Variants in CCDC3 observed in about 807,000 individuals in gnomAD.
CCDC3 encodes the protein coiled-coil domain containing 3.
CCDC3 carries 24 observed loss-of-function variants against 21.4 expected under a neutral mutation model. The ratio of observed to expected loss-of-function variants is 1.12; its 90% CI spans 0.81 to 1.58. The LOEUF is 1.58. Ranked by LOEUF, CCDC3 falls within the 40% of genes most tolerant of loss-of-function variation. The pLI, the probability that CCDC3 is intolerant of heterozygous loss-of-function variation, is 0.00. For missense variants in CCDC3, 425 were observed against 360.9 expected, an observed-to-expected ratio of 1.18 and a Z score of -1.44; for synonymous variants, 186 against 166.0, an observed-to-expected ratio of 1.12 and a Z score of -0.93.
chr10:12,961,392 T>C (rs920590394), intron 2 of CCDC3, among the ~76,000 whole-genome samples: 2 of 152,090 alleles, frequency 1.3e-5, no homozygotes, highest in Non-Finnish European at 2.9e-5. Context: ...AAGACCAACA[T>C]CTCCTTTAAA....
chr10:13,088,433 G>A (rs749952122), intron 3 of CCDC3, among the ~76,000 whole-genome samples: 6 of 152,142 alleles, frequency 3.9e-5, no homozygotes, highest in South Asian at 2.1e-4. Context: ...AAATGACATC[G>A]CCCCAAATCC....
At position 13,096,461 on chromosome 10, in the gene CCDC3, C is replaced by T. The variant is rs1415543874; in HGVS notation, c.-503+2064G>A. Among the ~76,000 whole-genome samples, 14 of 152,202 alleles carry T rather than the reference C, an allele frequency of 9.2e-5. 1 individual carries two copies. In the South Asian group the frequency reaches 2.9e-3, roughly 32 times the overall value. On this transcript the variant is annotated intron_variant, in intron 3 of 6. Coordinates refer to the CCDC3 transcript ENST00000378839. Reference sequence around the variant, plus strand: ...TGCTGGGATTACAGGCGTGAGCCACCGCCCTGGGCCTCTTTACTTTCTTTA... The same window carrying T: ...TGCTGGGATTACAGGCGTGAGCCACTGCCCTGGGCCTCTTTACTTTCTTTA...
chr10:13,093,935 C>T (rs1385258310), intron 3 of CCDC3, among the ~76,000 whole-genome samples: 5 of 152,112 alleles, frequency 3.3e-5, no homozygotes, highest in African/African-American at 7.2e-5. Context: ...CAGACAATGA[C>T]GAGGAACTGT....
At chr10:12,991,776 T>C (rs79786960) in intron 2 of CCDC3, among the ~76,000 whole-genome samples, 8,708 of 152,234 alleles carry the variant, frequency 0.057, 410 homozygotes, top group East Asian at 0.18. Context: ...CTCCAAAACC[T>C]TACCTACCTG....
At chr10:12,902,550 G>A (rs1417293069) in intron 2 of CCDC3, among the ~76,000 whole-genome samples, 1 of 152,194 alleles carries the variant, frequency 6.6e-6, no homozygotes, top group Admixed American at 6.5e-5. Flanking sequence ...GACAACAAGA[G>A]GATTGGGGTT....
chr10:12,959,433 G>A (rs1835146211), intron 2 of CCDC3, among the ~76,000 whole-genome samples: 1 of 152,156 alleles, frequency 6.6e-6, no homozygotes, highest in Non-Finnish European at 1.5e-5. Context: ...CTCCCAAAGT[G>A]CTGGGATTAC....
upstream of CCDC3, among the ~76,000 whole-genome samples, chr10:13,004,375 C>G (rs1564317069): frequency 1.3e-5 from 2 of 152,154 alleles, no homozygotes; most frequent in Admixed American, 6.5e-5. Context: ...CACTGCTGCA[C>G]TTCATTGCTG....
intron 2 of CCDC3, among the ~76,000 whole-genome samples, chr10:12,917,306 G>GC (rs1328830076): frequency 7.1e-6 from 1 of 140,332 alleles, no homozygotes; most frequent in East Asian, 2.3e-4. Context: ...CCATTCTCCT[G>GC]CCTCAGCCTC....
At chr10:12,957,940 C>T (rs192792924) in intron 2 of CCDC3, among the ~76,000 whole-genome samples, 5 of 152,198 alleles carry the variant, frequency 3.3e-5, no homozygotes, top group Middle Eastern at 3.4e-3. Context: ...AGTGATTTTC[C>T]TGCCTCAGCC....
chr10:12,914,005 T>C (rs1013265802), intron 2 of CCDC3, among the ~76,000 whole-genome samples: 2 of 152,234 alleles, frequency 1.3e-5, no homozygotes, highest in East Asian at 1.9e-4. Flanking sequence ...TTGAGAACTT[T>C]TGCATCTACG....
chr10:13,098,064 T>C (rs1832651860), intron 3 of CCDC3, among the ~76,000 whole-genome samples: 1 of 152,216 alleles, frequency 6.6e-6, no homozygotes, highest in Admixed American at 6.5e-5. Flanking sequence ...GTCAAGGTCC[T>C]ACAGCTAAGA....
At chr10:12,963,418 T>C (rs1485763696) in intron 2 of CCDC3, among the ~76,000 whole-genome samples, 2 of 152,150 alleles carry the variant, frequency 1.3e-5, no homozygotes, top group Non-Finnish European at 2.9e-5. Flanking sequence ...AATACACACA[T>C]AGCACTTCCC....
At chr10:13,078,863 G>A (rs935061628) in intron 3 of CCDC3, among the ~76,000 whole-genome samples, 2 of 151,940 alleles carry the variant, frequency 1.3e-5, no homozygotes, top group Admixed American at 6.6e-5. Context: ...CCTGTCGTGG[G>A]GTGGGGGGAG....
chr10:12,976,071 C>G (rs1835413460), intron 2 of CCDC3, among the ~76,000 whole-genome samples: 1 of 152,184 alleles, frequency 6.6e-6, no homozygotes, highest in South Asian at 2.1e-4. Flanking sequence ...CCATCTCTAC[C>G]AGCTCACACC....
chr10:13,094,815 G>A (rs192530462), intron 3 of CCDC3, among the ~76,000 whole-genome samples: 2 of 152,102 alleles, frequency 1.3e-5, no homozygotes, highest in Non-Finnish European at 2.9e-5. Context: ...AGTGAGCCAC[G>A]ACTATGCCAC....
At chr10:13,041,699 G>A (rs1836458131) in intron 5 of CCDC3, among the ~76,000 whole-genome samples, 2 of 151,396 alleles carry the variant, frequency 1.3e-5, no homozygotes, top group Admixed American at 1.3e-4. Context: ...TGGTGGCCAG[G>A]CTGGTCTCGA....
upstream of CCDC3, among the ~76,000 whole-genome samples, chr10:13,006,273 A>C (rs1247939860): frequency 1.3e-5 from 2 of 152,240 alleles, no homozygotes; most frequent in Non-Finnish European, 2.9e-5. Context: ...CAATCCTTGC[A>C]AATCAGTGAG....
At chr10:13,099,380 C>G (rs1297754630) in intron 1 of CCDC3, 1 of 140,018 alleles carries the variant, frequency 7.1e-6, no homozygotes, top group African/African-American at 2.6e-5. Context: ...CTCCCTCTCT[C>G]CCTCCCTCTC....
chr10:13,030,434 TA>T (rs1409632515), intron 5 of CCDC3, among the ~76,000 whole-genome samples: 2 of 152,158 alleles, frequency 1.3e-5, no homozygotes, highest in African/African-American at 4.8e-5. Flanking sequence ...CTGCATCAAC[TA>T]ATGAGCAAAA....
Sources: gnomAD v4.1 joint callset for allele counts (sites outside exome capture counted in the v4.1 genomes callset) on GRCh38, gnomAD v4.1.1 for gene constraint, MANE v1.5 for transcripts, NCBI Gene and HGNC (gene_info 2026-07-23, HGNC 2026-07-21) for gene names.